TOP3A: variants seen among roughly 807,000 people sequenced by gnomAD.
The protein encoded by TOP3A is DNA topoisomerase III alpha.
TOP3A carries 64 observed loss-of-function variants against 111.3 expected under a neutral mutation model. The observed-to-expected ratio is 0.57, with a 90% CI of 0.47 to 0.71. The LOEUF is 0.71. Among genes scored for constraint, TOP3A ranks in the 30% least tolerant of loss-of-function variants. The probability of loss-of-function intolerance (pLI) is 0.00; values close to 1 mark genes in which losing one functional copy is unlikely to be tolerated. For missense variants in TOP3A, 1,104 were observed against 1,285.0 expected (o/e 0.86, Z 2.15); for synonymous variants, 484 against 485.1 (o/e 1.00, Z 0.03).
chr17:18,277,920 G>A lies in TOP3A; in HGVS notation c.2582C>T (p.Ala861Val), dbSNP rs1477817990. 6.2e-7 allele frequency: 1 copy of A among 1,613,942 alleles called. No individual in the cohort carries two copies. Among genetic ancestry groups the A allele is most frequent in the East Asian group, 2.2e-5 (1 of 44,882 alleles). The change falls in exon 18 of 19, where the codon GCC becomes GTC. Residue 861 changes from alanine to valine, a missense_variant. Physicochemically the swap from Ala to Val is moderately conservative, Grantham distance 64. Coordinates refer to ENST00000321105, the MANE Select transcript of TOP3A (RefSeq NM_004618.5). ...GGCGCCCAGGGGTCTATATGCCAAG[G>A]CAGGAGGCCCTCCTGCTCCCGGATT... Reference protein sequence around the residue: ...SPNPGAGGPPALAYRPLGASL... With the variant: ...SPNPGAGGPPVLAYRPLGASL...
At position 18,278,108 on chromosome 17, in the gene TOP3A, G is replaced by A; in HGVS notation, c.2394C>T (p.Thr798=). The change falls in exon 18 of 19, where the codon ACC becomes ACT. Residue 798 remains threonine (T), a synonymous_variant. Transcript: ENST00000321105. ...QTGSSKALAQ[T]LPPPTAAGES... is the part of the protein sequence containing the mutation. The stretch of plus-strand genomic sequence containing the variant: ...CACCAGCAGCCGTGGGTGGTGGGAG[G>A]GTCTGGGCCAGAGCCTTTGAGGACC... 6.2e-7 allele frequency: 1 copy of A among 1,614,222 alleles called. No individual in the cohort carries two copies. The highest frequency in any genetic ancestry group is 8.5e-7 in the Non-Finnish European group (1 of 1,180,034).
intron 15 of TOP3A, among the ~76,000 whole-genome samples, chr17:18,283,960 C>T (rs1012232591): frequency 6.6e-6 from 1 of 152,092 alleles, no homozygotes; most frequent in Non-Finnish European, 1.5e-5. Flanking sequence ...GGAGTCTTTA[C>T]CTGTTTAGCT....
rs556471965 is a variant in TOP3A, at chr17:18,307,337, G to A, written c.315-371C>T. The A allele has an allele frequency of 5.8e-4, 96 of 164,250 alleles. 1 individual carries two copies. Among genetic ancestry groups the A allele is most frequent in the Non-Finnish European group, 1.2e-3 (87 of 74,866 alleles). The allele number at this position is 164,250 out of a possible 1,614,324, so 10.2% of individuals were successfully genotyped here. A position where few individuals can be genotyped will look rare whatever the true frequency, so the allele number is the denominator to read the frequency against. On this transcript the variant is annotated intron_variant, in intron 3 of 18. Coordinates refer to ENST00000321105, the MANE Select transcript of TOP3A (RefSeq NM_004618.5). ...ATTACTGCTGGGCGTGGTAGCTCACGCCTGTAATCCCAGCACGTTGGGAGG... is the reference window on the plus strand; with the variant it reads ...ATTACTGCTGGGCGTGGTAGCTCACACCTGTAATCCCAGCACGTTGGGAGG...
At chr17:18,314,428 C>T (rs546012366) in intron 1 of TOP3A, among the ~76,000 whole-genome samples, 171 bp downstream of exon 1, 14 of 152,344 alleles carry the variant, frequency 9.2e-5, no homozygotes, top group African/African-American at 3.4e-4. Flanking sequence ...TTTTAAAATG[C>T]ACTCCAGTCC....
intron 13 of TOP3A, among the ~76,000 whole-genome samples, chr17:18,289,848 C>T (rs140911777): frequency 5.3e-5 from 8 of 152,312 alleles, no homozygotes; most frequent in Admixed American, 2.0e-4. Context: ...TTGTGGATGA[C>T]GCAGCTGCTT....
Position 18,285,281 on chromosome 17 carries a change from A to T in TOP3A, c.1738T>A (p.Ser580Thr). 6.2e-7 allele frequency: 1 copy of T among 1,614,150 alleles called. No individual in the cohort carries two copies. The highest frequency in any genetic ancestry group is 8.5e-7 in the Non-Finnish European group (1 of 1,180,036). The change falls in exon 15 of 19, where the codon TCT becomes ACT. Residue 580 changes from serine (S) to threonine (T), a missense_variant. Coordinates refer to ENST00000321105, the MANE Select transcript of TOP3A (RefSeq NM_004618.5). ...AGTTCAGCCCGGAGGTCAGGCTTAG[A>T]CATTTCATAGCCCATGGAATCATAA... is the stretch of plus-strand genomic sequence containing the variant. ...EGYDSMGYEM[S>T]KPDLRAELEA... is the part of the protein sequence containing the mutation.
At position 18,302,602 on chromosome 17, in the gene TOP3A, C is replaced by T; in HGVS notation, c.621G>A (p.Arg207=). The change falls in exon 6 of 19, where the codon AGG becomes AGA. Residue 207 remains arginine (R), a synonymous_variant. Coordinates refer to ENST00000321105, the MANE Select transcript of TOP3A (RefSeq NM_004618.5). ...CACCAATCCTCAGGTCCAGCTCCTG[C>T]CTCACATCCACAGCATCGCTCACCC... is the stretch of plus-strand genomic sequence containing the variant. The part of the protein sequence containing the change: ...DQRVSDAVDV[R]QELDLRIGAA... 1 of 1,614,152 alleles carries T rather than the reference C, an allele frequency of 6.2e-7. No homozygotes were observed. The highest frequency in any genetic ancestry group is 8.5e-7 in the Non-Finnish European group (1 of 1,180,000).
At chr17:18,282,209 A>G (rs778141570) in intron 16 of TOP3A, among the ~76,000 whole-genome samples, 34 of 152,224 alleles carry the variant, frequency 2.2e-4, no homozygotes, top group Non-Finnish European at 2.9e-4. Context: ...TCTGCTGAGT[A>G]TCTACAACAC....
chr17:18,297,154 G>A (rs965605391), intron 9 of TOP3A, among the ~76,000 whole-genome samples: 11 of 152,258 alleles, frequency 7.2e-5, no homozygotes, highest in Middle Eastern at 3.4e-3. Context: ...GGCCAGGCGC[G>A]GTGGCTCACG....
Position 18,285,276 on chromosome 17 carries a change from C to T in TOP3A, c.1743G>A (p.Lys581=). 1 of 1,614,190 alleles carries T rather than the reference C, an allele frequency of 6.2e-7. No homozygotes were observed. Among genetic ancestry groups the T allele is most frequent in the South Asian group, 1.1e-5 (1 of 91,090 alleles). Residue 581 remains lysine, a synonymous_variant, in exon 15 of 19, where the codon AAG becomes AAA. Coordinates refer to ENST00000321105, the MANE Select transcript of TOP3A (RefSeq NM_004618.5). ...GYDSMGYEMS[K]PDLRAELEAD... Reference sequence around the variant, plus strand: ...CTTCCAGTTCAGCCCGGAGGTCAGGCTTAGACATTTCATAGCCCATGGAAT... The same window carrying T: ...CTTCCAGTTCAGCCCGGAGGTCAGGTTTAGACATTTCATAGCCCATGGAAT...
In TOP3A at chr17:18,274,909, G is replaced by A. The variant is rs1443781179; in HGVS notation, c.2899C>T (p.Pro967Ser). Residue 967 changes from proline to serine, a missense_variant, in exon 19 of 19, where the codon CCC becomes TCC. Physicochemically the swap from Pro to Ser is moderately conservative, Grantham distance 74. Transcript: ENST00000321105. Reference sequence around the variant, plus strand: ...CCCATGTCTGAGGAACTGGCCCGGGGCCTTTTGCTTCTGGCTTCCGACTCC... The same window carrying A: ...CCCATGTCTGAGGAACTGGCCCGGGACCTTTTGCTTCTGGCTTCCGACTCC... Reference protein sequence around the residue: ...TLESEARSKRPRASSSDMGST... With the variant: ...TLESEARSKRSRASSSDMGST... The A allele has an allele frequency of 6.2e-7, 1 of 1,614,070 alleles. No homozygotes were observed. The highest frequency in any genetic ancestry group is 8.5e-7 in the Non-Finnish European group (1 of 1,180,050).
In TOP3A at chr17:18,302,377, A is replaced by G; in HGVS notation, c.701T>C (p.Leu234Pro). The change falls in exon 7 of 19, where the codon CTG (leucine) becomes CCG (proline). Residue 234 changes from leucine (L) to proline (P), a missense_variant. Transcript: ENST00000321105. The stretch of plus-strand genomic sequence containing the variant: ...GCCGTAACTGATGAGCTGCTCTGCC[A>G]GCACCTCAGGAAAAATCCTCTGAAG... ...LRLQRIFPEVLAEQLISYGSC... is the reference protein window; with the variant it reads ...LRLQRIFPEVPAEQLISYGSC... 6 of 1,613,412 alleles carry G rather than the reference A, an allele frequency of 3.7e-6. No individual in the cohort carries two copies. The highest frequency in any genetic ancestry group is 5.1e-6 in the Non-Finnish European group (6 of 1,180,008).
intron 5 of TOP3A, among the ~76,000 whole-genome samples, chr17:18,304,209 C>T (rs752349952): frequency 1.3e-5 from 2 of 152,190 alleles, no homozygotes; most frequent in Non-Finnish European, 2.9e-5. Context: ...AGGAGATCCA[C>T]CTGCCTCAGC....
intron 18 of TOP3A, 109 bp downstream of exon 18, chr17:18,277,566 C>T (rs929332461): frequency 9.0e-6 from 12 of 1,326,610 alleles, no homozygotes; most frequent in East Asian, 2.3e-5. Context: ...CCAGGTGCCC[C>T]TCCCAATCCC....
Position 18,303,689 on chromosome 17 carries a change from T to G in TOP3A, c.500-966A>C, listed in dbSNP as rs960646358. Among the ~76,000 whole-genome samples the G allele has an allele frequency of 2.6e-5, 4 of 152,166 alleles. No individual in the cohort carries two copies. The East Asian group carries it at 5.8e-4, about 22-fold the overall frequency. On this transcript the variant is annotated intron_variant, in intron 5 of 18. Transcript: ENST00000321105. Reference sequence around the variant, plus strand: ...TTTATGACACAGTCTTTTGTTTGTTTTCCTGCTGACCCTCTCCCCACCAAC... The same window carrying G: ...TTTATGACACAGTCTTTTGTTTGTTGTCCTGCTGACCCTCTCCCCACCAAC...
At chr17:18,289,317 ATC>A (rs1233945030) in intron 13 of TOP3A, among the ~76,000 whole-genome samples, 1 of 150,094 alleles carries the variant, frequency 6.7e-6, no homozygotes, top group Non-Finnish European at 1.5e-5. Flanking sequence ...GCCCAGCCAG[ATC>A]TGTTTTGTTG....
chr17:18,281,520 A>G (rs751497669), intron 16 of TOP3A, among the ~76,000 whole-genome samples: 2 of 152,190 alleles, frequency 1.3e-5, no homozygotes, highest in Non-Finnish European at 2.9e-5. Flanking sequence ...CTTATATTCC[A>G]ATGAGTACTA....
At chr17:18,301,277 A>T (rs957992627) in intron 8 of TOP3A, among the ~76,000 whole-genome samples, 5 of 151,916 alleles carry the variant, frequency 3.3e-5, no homozygotes. Context: ...GTGGGTCCCA[A>T]CTCTGCCACC....
chr17:18,302,713 A>G lies in TOP3A; in HGVS notation c.510T>C (p.Asn170=), dbSNP rs1418228900. ...IIHVCKAVKP[N]LQVLRARFSE... Reference sequence around the variant, plus strand: ...AGAATCGGGCTCGCAACACCTGCAGATTGGGCTTTACTGCAGAACACAAGG... The same window carrying G: ...AGAATCGGGCTCGCAACACCTGCAGGTTGGGCTTTACTGCAGAACACAAGG... The change falls in exon 6 of 19, where the codon AAT becomes AAC. Residue 170 remains asparagine (N), a synonymous_variant. Transcript: ENST00000321105. 1.9e-6 allele frequency: 3 copies of G among 1,613,656 alleles called. No individual in the cohort carries two copies. In the African/African-American group the frequency reaches 4.0e-5, roughly 22 times the overall value.
Sources: gnomAD v4.1 joint callset for allele counts (sites outside exome capture counted in the v4.1 genomes callset) on GRCh38, gnomAD v4.1.1 for gene constraint, MANE v1.5 for transcripts, NCBI Gene and HGNC (gene_info 2026-07-23, HGNC 2026-07-21) for gene names.